The following FEZ1 variants were observed in gnomAD, a reference collection of about 807,000 sequenced individuals.
The protein encoded by FEZ1 is fasciculation and elongation protein zeta 1.
In FEZ1, 20 loss-of-function variants were observed where a neutral mutation model predicts 49.3. The ratio of observed to expected loss-of-function variants is 0.41; its 90% CI spans 0.29 to 0.59. FEZ1 has a LOEUF of 0.59. Among genes scored for constraint, FEZ1 ranks in the 20% least tolerant of loss-of-function variants. The pLI is 0.36. For synonymous variants in FEZ1, 170 were observed against 180.9 expected (o/e 0.94, Z 0.48); for missense variants, 413 against 476.0 (o/e 0.87, Z 1.23).
intron 3 of FEZ1, among the ~76,000 whole-genome samples, chr11:125,479,823 G>A: frequency 6.6e-6 from 1 of 152,178 alleles, no homozygotes; most frequent in South Asian, 2.1e-4. Flanking sequence ...AACTTCTGTT[G>A]TTAATAAATT....
intron 6 of FEZ1, among the ~76,000 whole-genome samples, chr11:125,454,730 G>A (rs1304500516): frequency 6.6e-6 from 1 of 152,036 alleles, no homozygotes; most frequent in Non-Finnish European, 1.5e-5. Flanking sequence ...TAAGAAGCAT[G>A]AGTGGCTGGG....
intron 2 of FEZ1, among the ~76,000 whole-genome samples, chr11:125,486,133 T>G (rs1957324929): frequency 1.3e-5 from 2 of 152,226 alleles, no homozygotes; most frequent in Non-Finnish European, 2.9e-5. Context: ...TATTTACTTG[T>G]CTTCAACATG....
At chr11:125,462,937 C>T (rs1233725122) in intron 4 of FEZ1, among the ~76,000 whole-genome samples, 8 of 148,924 alleles carry the variant, frequency 5.4e-5, no homozygotes, top group Admixed American at 2.7e-4. Context: ...GAGGTTGAGG[C>T]TATAGTGAAC....
chr11:125,461,563 G>T (rs1299180688), intron 4 of FEZ1, among the ~76,000 whole-genome samples: 1 of 152,086 alleles, frequency 6.6e-6, no homozygotes, highest in Admixed American at 6.6e-5. Flanking sequence ...ACCGAGACTG[G>T]GCCACTGGAC....
chr11:125,446,195 A>G (rs2135732102), intron 9 of FEZ1, 84 bp from the exon 10 acceptor site: 11 of 1,312,604 alleles, frequency 8.4e-6, no homozygotes, highest in Non-Finnish European at 1.2e-5. Flanking sequence ...CCTAGCTGAG[A>G]GCAGTCACAC....
At position 125,445,898 on chromosome 11, in the gene FEZ1, T is replaced by C. The variant is rs750273632; in HGVS notation, c.*197A>G. 156 of 641,442 alleles carry C rather than the reference T, an allele frequency of 2.4e-4. No individual in the cohort carries two copies. The highest frequency in any genetic ancestry group is 1.1e-3 in the Admixed American group (54 of 48,198). The allele number at this position is 641,442 out of a possible 1,614,324, so 39.7% of individuals were successfully genotyped here. On this transcript the variant is annotated 3_prime_UTR_variant, in exon 10 of 10. Transcript: ENST00000278919. This position sits in a 1 kb window ranked among gnomAD's most constrained non-coding sequence, Gnocchi z 4.4. ...AAGGGGGAGGCACCATCACCGGCCC[T>C]GCCCCATCATGCATCCAATGATTAC... is the stretch of plus-strand genomic sequence containing the variant.
intron 8 of FEZ1, among the ~76,000 whole-genome samples, chr11:125,450,032 T>G (rs1018091535): frequency 1.3e-5 from 2 of 150,112 alleles, no homozygotes; most frequent in South Asian, 2.1e-4. Flanking sequence ...CTTCTGGGTT[T>G]TTTTTTTTTT....
At chr11:125,471,185 A>G (rs1176762446) in intron 3 of FEZ1, among the ~76,000 whole-genome samples, 1 of 152,194 alleles carries the variant, frequency 6.6e-6, no homozygotes, top group Admixed American at 6.5e-5. Context: ...GAACAGAGGA[A>G]CAACAAAACA....
At chr11:125,477,379 C>T (rs1163669256) in intron 3 of FEZ1, among the ~76,000 whole-genome samples, 1 of 151,652 alleles carries the variant, frequency 6.6e-6, no homozygotes, top group Non-Finnish European at 1.5e-5. Flanking sequence ...ATGGTGCATT[C>T]CTGTAATTCC....
At chr11:125,449,418 A>T (rs1390569920) in intron 8 of FEZ1, among the ~76,000 whole-genome samples, 1 of 13,116 alleles carries the variant, frequency 7.6e-5, no homozygotes, top group Non-Finnish European at 1.5e-4. Context: ...TTGTCTCTAT[A>T]AAAAAAAAAA....
chr11:125,455,758 G>A, intron 6 of FEZ1, 77 bp downstream of exon 6: 1 of 1,458,034 alleles, frequency 6.9e-7, no homozygotes, highest in South Asian at 1.1e-5. Context: ...TGAGTCCCCT[G>A]CAGGGTTGGT....
At chr11:125,484,678 AAAG>A (rs1957311650) in intron 2 of FEZ1, among the ~76,000 whole-genome samples, 1 of 151,800 alleles carries the variant, frequency 6.6e-6, no homozygotes, top group Non-Finnish European at 1.5e-5. Context: ...CAAAAAAAAA[AAAG>A]AAGAAAAGAA....
intron 1 of FEZ1, among the ~76,000 whole-genome samples, chr11:125,491,837 G>C (rs937105213): frequency 6.6e-6 from 1 of 152,132 alleles, no homozygotes; most frequent in African/African-American, 2.4e-5. Flanking sequence ...TAGGACCTTT[G>C]AATACAAAAA....
chr11:125,479,184 C>T (rs1045046862), intron 3 of FEZ1, among the ~76,000 whole-genome samples: 1 of 152,160 alleles, frequency 6.6e-6, no homozygotes. Flanking sequence ...TTTTGAGTAC[C>T]TTAGATTGCT....
chr11:125,471,846 A>G (rs922329126), intron 3 of FEZ1, among the ~76,000 whole-genome samples: 4 of 152,108 alleles, frequency 2.6e-5, no homozygotes, highest in African/African-American at 9.6e-5. Flanking sequence ...TACATTCACT[A>G]AGACGTACCA....
intron 5 of FEZ1, among the ~76,000 whole-genome samples, chr11:125,459,619 G>A (rs981820207): frequency 1.3e-5 from 2 of 152,116 alleles, no homozygotes; most frequent in African/African-American, 4.8e-5. Flanking sequence ...AATAAAAATA[G>A]TAACAAAATA....
chr11:125,471,405 G>T (rs1415020348), intron 3 of FEZ1, among the ~76,000 whole-genome samples: 2 of 148,124 alleles, frequency 1.4e-5, no homozygotes, highest in Non-Finnish European at 3.0e-5. Flanking sequence ...ACAGAGATAG[G>T]CAGAAACTAA....
intron 3 of FEZ1, among the ~76,000 whole-genome samples, chr11:125,477,812 C>T (rs1308670211): frequency 1.3e-5 from 2 of 151,786 alleles, no homozygotes; most frequent in African/African-American, 2.4e-5. Flanking sequence ...TGGAGCTTCC[C>T]CATGTGGCCC....
At chr11:125,465,568 G>A (rs1234052322) in intron 3 of FEZ1, among the ~76,000 whole-genome samples, 2 of 152,244 alleles carry the variant, frequency 1.3e-5, no homozygotes, top group South Asian at 4.2e-4. Context: ...CTTATGAAAG[G>A]TACTGTGAGT....
Sources: gnomAD v4.1 joint callset for allele counts (sites outside exome capture counted in the v4.1 genomes callset) on GRCh38, gnomAD v4.1.1 for gene constraint, Gnocchi (gnomAD v3.1) non-coding constraint, MANE v1.5 for transcripts, NCBI Gene and HGNC (gene_info 2026-07-23, HGNC 2026-07-21) for gene names.